The following RPL37 variants were observed in gnomAD, a reference collection of about 807,000 sequenced individuals.
The protein encoded by RPL37 is ribosomal protein L37, also known as large ribosomal subunit protein eL37.
In RPL37, 1 loss-of-function variant was observed where a neutral mutation model predicts 14.8. The ratio of observed to expected loss-of-function variants is 0.07; its 90% CI spans 0.02 to 0.32. RPL37 has a LOEUF of 0.32. Ranked by LOEUF, RPL37 falls within the 10% of genes least tolerant of loss-of-function variation. The pLI is 1.00. For synonymous variants in RPL37, 53 were observed against 45.8 expected, an observed-to-expected ratio of 1.16 and a Z score of -0.63; for missense variants, 100 against 128.3, an observed-to-expected ratio of 0.78 and a Z score of 1.06.
rs755700965 is a variant in RPL37 at position 40,829,910 on chromosome 5, C to G, written c.*2594G>C. On this transcript the variant is annotated 3_prime_UTR_variant, in exon 4 of 4. Coordinates refer to ENST00000274242, the MANE Select transcript of RPL37 (RefSeq NM_000997.5). Reference sequence around the variant, plus strand: ...GGCTGGTCTCGAACTCCCCACCTCACGTGAACTGCCCACCTTGGCCTCCCA... The same window carrying G: ...GGCTGGTCTCGAACTCCCCACCTCAGGTGAACTGCCCACCTTGGCCTCCCA... 6.6e-6 allele frequency: 1 copy of G among 152,106 alleles called. No homozygotes were observed. Among genetic ancestry groups the G allele is most frequent in the African/African-American group, 2.4e-5 (1 of 41,412 alleles). The allele number at this position is 152,106 out of a possible 1,614,324, so 9.4% of individuals were successfully genotyped here.
At chr5:40,834,650 T>C (rs1172463287) in intron 1 of RPL37, 44 bp from the exon 2 acceptor site, 1 of 1,552,646 alleles carries the variant, frequency 6.4e-7, no homozygotes, top group Non-Finnish European at 8.7e-7. Flanking sequence ...TGGCAACTTC[T>C]AGATTTACTC....
chr5:40,834,333 C>G, intron 2 of RPL37, 68 bp from the exon 3 acceptor site: 1 of 1,573,950 alleles, frequency 6.4e-7, no homozygotes. Flanking sequence ...GTTGTTAACA[C>G]ACGAGTTTTA....
intron 3 of RPL37, 169 bp from the exon 4 acceptor site, chr5:40,832,742 C>A (rs771959688): frequency 8.1e-6 from 6 of 742,158 alleles, no homozygotes; most frequent in Non-Finnish European, 1.5e-5. Context: ...AGCTGAAATT[C>A]TTCACTTTGC....
At position 40,826,771 on chromosome 5, in the gene RPL37, G is replaced by A. The variant is rs1241853645; in HGVS notation, c.*5733C>T. ...CCTCAGGACTGAGGCTGGATACTAA[G>A]GGTTAGGAAAGAATTACAGACTTTT... is the stretch of plus-strand genomic sequence containing the variant. On this transcript the variant is annotated 3_prime_UTR_variant, in exon 4 of 4. Coordinates refer to ENST00000274242, the MANE Select transcript of RPL37 (RefSeq NM_000997.5). 6.6e-6 allele frequency: 1 copy of A among 152,100 alleles called. No individual in the cohort carries two copies. Among genetic ancestry groups the A allele is most frequent in the South Asian group, 2.1e-4 (1 of 4,830 alleles). The allele number at this position is 152,100 out of a possible 1,614,324, so 9.4% of individuals were successfully genotyped here. A position where few individuals can be genotyped will look rare whatever the true frequency, so the allele number is the denominator to read the frequency against.
Position 40,827,115 on chromosome 5 carries a change from G to C in RPL37, c.*5389C>G, listed in dbSNP as rs2112149313. 1 of 152,294 alleles carries C rather than the reference G, an allele frequency of 6.6e-6. No individual in the cohort carries two copies. Among genetic ancestry groups the C allele is most frequent in the East Asian group, 1.9e-4 (1 of 5,184 alleles). 9.4% of individuals were successfully genotyped at this position (152,294 alleles called of 1,614,324 possible). A position where few individuals can be genotyped will look rare whatever the true frequency, so the allele number is the denominator to read the frequency against. On this transcript the variant is annotated 3_prime_UTR_variant, in exon 4 of 4. Transcript: ENST00000274242. The stretch of plus-strand genomic sequence containing the variant: ...ATTGAGATGGGTCCATCAGATACAA[G>C]GATAACTACCCAGCAGGGAACCTCC...
At chr5:40,832,711 A>AT (rs1384882486) in intron 3 of RPL37, 138 bp from the exon 4 acceptor site, 2 of 778,612 alleles carry the variant, frequency 2.6e-6, no homozygotes, top group African/African-American at 3.4e-5. Context: ...TCAGACATTT[A>AT]TTTTTACAAC....
chr5:40,834,336 G>A (rs1488775294), intron 2 of RPL37, 71 bp from the exon 3 acceptor site: 5 of 1,564,072 alleles, frequency 3.2e-6, no homozygotes, highest in African/African-American at 1.4e-5. Context: ...GTTAACACAC[G>A]AGTTTTATGC....
Position 40,828,120 on chromosome 5 carries a change from C to G in RPL37, c.*4384G>C, listed in dbSNP as rs1307826429. The G allele has an allele frequency of 6.6e-6, 1 of 152,230 alleles. No individual in the cohort carries two copies. The highest frequency in any genetic ancestry group is 2.4e-5 in the African/African-American group (1 of 41,524). 9.4% of individuals were successfully genotyped at this position (152,230 alleles called of 1,614,324 possible). ...TACAAAATTAAGTTTCAATTACAGG[C>G]AAGGTTAAACTCTGCAAGCAACCCA... On this transcript the variant is annotated 3_prime_UTR_variant, in exon 4 of 4. Coordinates refer to ENST00000274242, the MANE Select transcript of RPL37 (RefSeq NM_000997.5).
At position 40,826,308 on chromosome 5, in the gene RPL37, CA is replaced by C. The variant is rs1250719166; in HGVS notation, c.*6195del. On this transcript the variant is annotated 3_prime_UTR_variant, in exon 4 of 4. Transcript: ENST00000274242. ...ACACACACACACAACCCAAAGAAAA[CA>C]TATCCAAGAACGTGGTCAGTTTTCA... 2 of 152,086 alleles carry C rather than the reference CA, an allele frequency of 1.3e-5. No homozygotes were observed. Among genetic ancestry groups the C allele is most frequent in the Non-Finnish European group, 2.9e-5 (2 of 68,014 alleles). 9.4% of individuals were successfully genotyped at this position (152,086 alleles called of 1,614,324 possible). A position where few individuals can be genotyped will look rare whatever the true frequency, so the allele number is the denominator to read the frequency against.
At position 40,828,946 on chromosome 5, in the gene RPL37, G is replaced by C. The variant is rs767217398; in HGVS notation, c.*3558C>G. 6.6e-6 allele frequency: 1 copy of C among 152,162 alleles called. No individual in the cohort carries two copies. The highest frequency in any genetic ancestry group is 1.5e-5 in the Non-Finnish European group (1 of 68,036). 9.4% of individuals were successfully genotyped at this position (152,162 alleles called of 1,614,324 possible). On this transcript the variant is annotated 3_prime_UTR_variant, in exon 4 of 4. Transcript: ENST00000274242. Reference sequence around the variant, plus strand: ...GACATCTCCCCAAATCTTACTTTGAGACTCTAAATTATCTTTTTGTTTTTG... The same window carrying C: ...GACATCTCCCCAAATCTTACTTTGACACTCTAAATTATCTTTTTGTTTTTG...
Position 40,829,295 on chromosome 5 carries a change from A to C in RPL37, c.*3209T>G, listed in dbSNP as rs1208334271. On this transcript the variant is annotated 3_prime_UTR_variant, in exon 4 of 4. Transcript: ENST00000274242. ...CTTCAAGACTCATCACATGCACACTAACACTTTCCACATTCATCTTGCTAG... is the reference window on the plus strand; with the variant it reads ...CTTCAAGACTCATCACATGCACACTCACACTTTCCACATTCATCTTGCTAG... The C allele has an allele frequency of 1.3e-5, 2 of 152,194 alleles. No individual in the cohort carries two copies. Among genetic ancestry groups the C allele is most frequent in the Non-Finnish European group, 2.9e-5 (2 of 68,040 alleles). The allele number at this position is 152,194 out of a possible 1,614,324, so 9.4% of individuals were successfully genotyped here.
intron 2 of RPL37, 72 bp from the exon 3 acceptor site, chr5:40,834,337 A>C (rs1745715216): frequency 6.4e-7 from 1 of 1,566,806 alleles, no homozygotes; most frequent in African/African-American, 1.4e-5. Context: ...TTAACACACG[A>C]GTTTTATGCC....
intron 3 of RPL37, chr5:40,833,840 C>G (rs2112157879): frequency 4.8e-6 from 1 of 209,184 alleles, no homozygotes; most frequent in Middle Eastern, 2.0e-3. Flanking sequence ...CCCAGGAGTT[C>G]CGAGATTATC....
intron 1 of RPL37, 57 bp from the exon 2 acceptor site, chr5:40,834,663 G>C (rs1745724129): frequency 3.3e-6 from 5 of 1,530,010 alleles, no homozygotes; most frequent in Non-Finnish European, 3.5e-6. Flanking sequence ...ATTTACTCGA[G>C]TTCTCCGGGA....
chr5:40,832,868 C>T (rs1745673199), intron 3 of RPL37: 4 of 422,804 alleles, frequency 9.5e-6, no homozygotes, highest in South Asian at 8.6e-5. Context: ...CAAGAGATCA[C>T]AGATTATTTG....
In RPL37 at chr5:40,830,897, T is replaced by G. The variant is rs1745627480; in HGVS notation, c.*1607A>C. On this transcript the variant is annotated 3_prime_UTR_variant, in exon 4 of 4. Transcript: ENST00000274242. Reference sequence around the variant, plus strand: ...AGCTTTACATTATACCCACAGCAACTCAGCTGTCTTTCAAGGTCATTGTTC... The same window carrying G: ...AGCTTTACATTATACCCACAGCAACGCAGCTGTCTTTCAAGGTCATTGTTC... 1 of 152,064 alleles carries G rather than the reference T, an allele frequency of 6.6e-6. No individual in the cohort carries two copies. Among genetic ancestry groups the G allele is most frequent in the African/African-American group, 2.4e-5 (1 of 41,390 alleles). The allele number at this position is 152,064 out of a possible 1,614,324, so 9.4% of individuals were successfully genotyped here.
rs750793118 is a variant in RPL37, at chr5:40,825,337, ATAACTT to A, written c.*7161_*7166del. 2.4e-4 allele frequency: 27 copies of A among 114,326 alleles called. No individual in the cohort carries two copies. Among genetic ancestry groups the A allele is most frequent in the Non-Finnish European group, 4.1e-4 (22 of 53,998 alleles). The allele number at this position is 114,326 out of a possible 1,614,324, so 7.1% of individuals were successfully genotyped here. A position where few individuals can be genotyped will look rare whatever the true frequency, so the allele number is the denominator to read the frequency against. On this transcript the variant is annotated 3_prime_UTR_variant, in exon 4 of 4. Transcript: ENST00000274242. ...AGCATCTTTATTACCAAAGAAATACATAACTTTAACAGATAATCTCTGTATCTTAGT... is the reference window on the plus strand; with the variant it reads ...AGCATCTTTATTACCAAAGAAATACATAACAGATAATCTCTGTATCTTAGT...
rs1745546410 is a variant in RPL37 at position 40,827,610 on chromosome 5, A to G, written c.*4894T>C. On this transcript the variant is annotated 3_prime_UTR_variant, in exon 4 of 4. Coordinates refer to ENST00000274242, the MANE Select transcript of RPL37 (RefSeq NM_000997.5). ...AAAGCAATGTTTTGATCTGAATCCA[A>G]TCCACACACGATGCTTATTCTACAT... The G allele has an allele frequency of 6.6e-6, 1 of 152,194 alleles. No homozygotes were observed. The allele number at this position is 152,194 out of a possible 1,614,324, so 9.4% of individuals were successfully genotyped here. A position where few individuals can be genotyped will look rare whatever the true frequency, so the allele number is the denominator to read the frequency against.
chr5:40,828,304 CTA>C lies in RPL37; in HGVS notation c.*4198_*4199del, dbSNP rs1297398071. On this transcript the variant is annotated 3_prime_UTR_variant, in exon 4 of 4. Coordinates refer to ENST00000274242, the MANE Select transcript of RPL37 (RefSeq NM_000997.5). ...CACACTTATCACTATCTGCAATTGT[CTA>C]TTATGTCACCTTCCACAAACATACA... The C allele has an allele frequency of 1.3e-5, 2 of 152,196 alleles. No homozygotes were observed. Among genetic ancestry groups the C allele is most frequent in the Admixed American group, 6.5e-5 (1 of 15,280 alleles). The allele number at this position is 152,196 out of a possible 1,614,324, so 9.4% of individuals were successfully genotyped here. A position where few individuals can be genotyped will look rare whatever the true frequency, so the allele number is the denominator to read the frequency against.
Sources: gnomAD v4.1 joint callset for allele counts on GRCh38, gnomAD v4.1.1 for gene constraint, MANE v1.5 for transcripts, NCBI Gene and HGNC (gene_info 2026-07-23, HGNC 2026-07-21) for gene names.